Variants in MMP26 observed in about 807,000 individuals in gnomAD.
MMP26 encodes the protein matrix metalloproteinase-26.
A neutral mutation model predicts 31.0 loss-of-function variants in MMP26; 33 were observed. That is an observed-to-expected ratio of 1.06 (90% confidence interval 0.81 to 1.42). The LOEUF is 1.42. MMP26 is among the 40% of genes most tolerant of loss of function. The probability of loss-of-function intolerance (pLI) is 0.00; values close to 1 mark genes in which losing one functional copy is unlikely to be tolerated. For synonymous variants in MMP26, 122 were observed against 114.9 expected, an observed-to-expected ratio of 1.06 and a Z score of -0.40; for missense variants, 347 against 316.1, an observed-to-expected ratio of 1.10 and a Z score of -0.74.
intron 2 of MMP26, among the ~76,000 whole-genome samples, chr11:4,961,265 T>C (rs1306076259): frequency 1.3e-5 from 2 of 152,212 alleles, no homozygotes; most frequent in Non-Finnish European, 2.9e-5. Context: ...AAATTTCCGA[T>C]GTCCAAGGGA....
At chr11:4,744,101 G>A (rs1848349102) in intron 1 of MMP26, among the ~76,000 whole-genome samples, 1 of 151,922 alleles carries the variant, frequency 6.6e-6, no homozygotes, top group South Asian at 2.1e-4. Flanking sequence ...TGCCTAGCAG[G>A]ACTATTCTTA....
chr11:4,836,892 C>T (rs1849727182), intron 2 of MMP26, among the ~76,000 whole-genome samples: 1 of 151,284 alleles, frequency 6.6e-6, no homozygotes, highest in Non-Finnish European at 1.5e-5. Context: ...TGGTCCCGAA[C>T]TCCTGACCTC....
At chr11:4,725,634 G>A (rs929071673) in intron 1 of MMP26, among the ~76,000 whole-genome samples, 6 of 152,162 alleles carry the variant, frequency 3.9e-5, no homozygotes, top group African/African-American at 1.4e-4. Flanking sequence ...TTGTGAAGAG[G>A]ACCACTTTAG....
chr11:4,707,671 G>A (rs79396927), intron 1 of MMP26, among the ~76,000 whole-genome samples: 4,136 of 152,260 alleles, frequency 0.027, 177 homozygotes, highest in East Asian at 0.22. Context: ...CTCCTATGTT[G>A]AAATATGTTT....
intron 1 of MMP26, among the ~76,000 whole-genome samples, chr11:4,758,044 C>T (rs536038411): frequency 3.0e-4 from 46 of 152,266 alleles, no homozygotes; most frequent in African/African-American, 1.1e-3. Context: ...ACACACAATA[C>T]ATGTATACAA....
At chr11:4,882,143 A>G (rs1370740301) in intron 2 of MMP26, 8 of 1,613,562 alleles carry the variant, frequency 5.0e-6, no homozygotes, top group Non-Finnish European at 5.9e-6. Flanking sequence ...GACCCTTCCC[A>G]CTGTGCTTGG....
intron 2 of MMP26, among the ~76,000 whole-genome samples, chr11:4,904,266 C>T (rs891870506): frequency 6.6e-5 from 10 of 152,028 alleles, no homozygotes; most frequent in African/African-American, 2.2e-4. Flanking sequence ...AGCAGCTTTC[C>T]CAGATTCACA....
intron 2 of MMP26, chr11:4,871,783 G>A (rs1850313839): frequency 6.6e-6 from 1 of 152,204 alleles, no homozygotes; most frequent in Non-Finnish European, 1.5e-5. Context: ...TGCTTTCTTT[G>A]AGGATCTTGT....
At chr11:4,933,100 A>G (rs1474185869) in intron 2 of MMP26, among the ~76,000 whole-genome samples, 2 of 152,104 alleles carry the variant, frequency 1.3e-5, no homozygotes, top group Non-Finnish European at 2.9e-5. Flanking sequence ...TCTGTGGAAT[A>G]TCGTAGGAAA....
chr11:4,876,632 A>G (rs894895525), intron 2 of MMP26: 9 of 152,212 alleles, frequency 5.9e-5, no homozygotes, highest in African/African-American at 1.7e-4. Context: ...AATGCCAGAG[A>G]AAGACTTATG....
At chr11:4,914,781 T>C (rs531160451) in intron 2 of MMP26, 3 of 1,613,870 alleles carry the variant, frequency 1.9e-6, no homozygotes, top group East Asian at 2.2e-5. Flanking sequence ...CTGTAGACAA[T>C]GGGATTCATC....
chr11:4,820,416 G>A (rs1384428361), intron 2 of MMP26, among the ~76,000 whole-genome samples: 1 of 152,044 alleles, frequency 6.6e-6, no homozygotes, highest in Non-Finnish European at 1.5e-5. Context: ...TTTGATACTA[G>A]TCTGTGGTAT....
intron 1 of MMP26, among the ~76,000 whole-genome samples, chr11:4,705,407 T>G (rs1847762357): frequency 6.6e-6 from 1 of 152,238 alleles, no homozygotes; most frequent in African/African-American, 2.4e-5. Context: ...GAGACTCGAT[T>G]ATCTAATCTT....
chr11:4,818,933 G>A (rs1849456344), intron 2 of MMP26, among the ~76,000 whole-genome samples: 1 of 152,142 alleles, frequency 6.6e-6, no homozygotes, highest in African/African-American at 2.4e-5. Flanking sequence ...TTTGTACTCA[G>A]ATAAAGACAA....
chr11:4,983,904 A>G (rs1333820969), intron 2 of MMP26, among the ~76,000 whole-genome samples: 2 of 152,224 alleles, frequency 1.3e-5, no homozygotes, highest in Non-Finnish European at 2.9e-5. Flanking sequence ...TAATATCCAC[A>G]GGCGATTCTA....
intron 2 of MMP26, among the ~76,000 whole-genome samples, chr11:4,792,882 C>A (rs1236837878): frequency 6.6e-6 from 1 of 152,066 alleles, no homozygotes; most frequent in Non-Finnish European, 1.5e-5. Context: ...CTTGCTATGG[C>A]CAGCCAATTG....
chr11:4,988,984 C>T (rs1190213276), intron 3 of MMP26, among the ~76,000 whole-genome samples: 1 of 152,154 alleles, frequency 6.6e-6, no homozygotes, highest in Non-Finnish European at 1.5e-5. Context: ...GTCAAGTACT[C>T]ATAAGAACTG....
chr11:4,942,097 A>C (rs1306749460), intron 2 of MMP26, among the ~76,000 whole-genome samples: 1 of 129,350 alleles, frequency 7.7e-6, no homozygotes, highest in African/African-American at 2.7e-5. Flanking sequence ...CTCAAAAAAA[A>C]AAAAAAAAAA....
chr11:4,874,217 G>T (rs181718633), intron 2 of MMP26, among the ~76,000 whole-genome samples: 17 of 152,150 alleles, frequency 1.1e-4, no homozygotes, highest in African/African-American at 4.1e-4. Flanking sequence ...GTACAAGTAA[G>T]GTGAAATTGT....
Sources: gnomAD v4.1 joint callset for allele counts (sites outside exome capture counted in the v4.1 genomes callset) on GRCh38, gnomAD v4.1.1 for gene constraint, MANE v1.5 for transcripts, NCBI Gene and HGNC (gene_info 2026-07-23, HGNC 2026-07-21) for gene names.